EZH2: variants seen among roughly 807,000 people sequenced by gnomAD.
EZH2 encodes the protein histone-lysine N-methyltransferase EZH2.
In EZH2, 18 loss-of-function variants were observed where a neutral mutation model predicts 98.4. That is an observed-to-expected ratio of 0.18 (90% CI 0.13 to 0.27). The LOEUF is 0.27. EZH2 is among the 10% of genes least tolerant of loss of function. The pLI is 1.00. For synonymous variants in EZH2, 338 were observed against 312.3 expected, an observed-to-expected ratio of 1.08 and a Z score of -0.87; for missense variants, 470 against 935.1, an observed-to-expected ratio of 0.50 and a Z score of 6.49.
intron 1 of EZH2, among the ~76,000 whole-genome samples, chr7:148,859,505 AAACAACAACAACAAC>A (rs71529644): frequency 6.7e-6 from 1 of 150,172 alleles, no homozygotes; most frequent in Non-Finnish European, 1.5e-5. Context: ...TCTGTCTCAA[AAACAACAACAACAAC>A]AACAACAACA....
intron 8 of EZH2, among the ~76,000 whole-genome samples, chr7:148,823,514 C>G (rs1291213998): frequency 1.3e-5 from 2 of 151,944 alleles, no homozygotes; most frequent in Non-Finnish European, 2.9e-5. Flanking sequence ...TATCTTTATA[C>G]TTGTCAAAGA....
At chr7:148,869,904 T>C (rs191203417) in intron 1 of EZH2, among the ~76,000 whole-genome samples, 4 of 151,686 alleles carry the variant, frequency 2.6e-5, no homozygotes, top group Admixed American at 6.5e-5. Context: ...AACATCAAGC[T>C]ACTGGTGGGA....
chr7:148,868,077 C>T (rs1427290562), intron 1 of EZH2, among the ~76,000 whole-genome samples: 1 of 152,166 alleles, frequency 6.6e-6, no homozygotes, highest in African/African-American at 2.4e-5. Context: ...TAGGAAGTTC[C>T]AAACATTCCC....
At chr7:148,876,120 C>T (rs1019953257) in intron 1 of EZH2, 1 of 152,040 alleles carries the variant, frequency 6.6e-6, no homozygotes, top group African/African-American at 2.4e-5. Context: ...GCTGAGATCT[C>T]GCCTAAAACT....
At chr7:148,834,882 C>T (rs1251592292) in intron 3 of EZH2, among the ~76,000 whole-genome samples, 1 of 152,132 alleles carries the variant, frequency 6.6e-6, no homozygotes, top group African/African-American at 2.4e-5. Context: ...TTAATTATTC[C>T]TCATTACAAC....
intron 3 of EZH2, among the ~76,000 whole-genome samples, chr7:148,842,241 G>C (rs576116323): frequency 6.6e-6 from 1 of 152,256 alleles, no homozygotes; most frequent in South Asian, 2.1e-4. Context: ...TTCTCTTTCA[G>C]TCATAACACA....
chr7:148,827,400 A>G, intron 6 of EZH2, 134 bp from the exon 7 acceptor site: 1 of 640,822 alleles, frequency 1.6e-6, no homozygotes, highest in Middle Eastern at 4.3e-4. Context: ...TGTTTTACTT[A>G]CTTCTCACAT....
chr7:148,831,183 G>T (rs918798060), intron 4 of EZH2, among the ~76,000 whole-genome samples: 1 of 152,110 alleles, frequency 6.6e-6, no homozygotes, highest in Non-Finnish European at 1.5e-5. Context: ...AGGACAACTG[G>T]AGAGTTCATA....
Position 148,869,751 on chromosome 7 carries a change from T to C in EZH2, c.-8+14413A>G, listed in dbSNP as rs564060525. On this transcript the variant is annotated intron_variant, in intron 1 of 19. Transcript: ENST00000320356. ...TCTCTGCAGGCACATACATGGTAGATACTCAGTAAACACAAGTTGTTCCAT... is the reference window on the plus strand; with the variant it reads ...TCTCTGCAGGCACATACATGGTAGACACTCAGTAAACACAAGTTGTTCCAT... Among the ~76,000 whole-genome samples, 12 of 152,366 alleles carry C rather than the reference T, an allele frequency of 7.9e-5. No homozygotes were observed. The East Asian group carries it at 2.3e-3, about 29-fold the overall frequency.
intron 8 of EZH2, among the ~76,000 whole-genome samples, chr7:148,820,856 G>A (rs1020992164): frequency 6.6e-6 from 1 of 152,144 alleles, no homozygotes; most frequent in African/African-American, 2.4e-5. Context: ...ACGAACATTA[G>A]AGAACACATA....
chr7:148,847,601 C>T (rs570905440), intron 1 of EZH2, among the ~76,000 whole-genome samples: 19 of 152,256 alleles, frequency 1.2e-4, no homozygotes, highest in African/African-American at 4.3e-4. Flanking sequence ...TATATCACAA[C>T]CTAGTTTTCA....
intron 1 of EZH2, among the ~76,000 whole-genome samples, chr7:148,865,256 G>A (rs1818283109): frequency 6.6e-6 from 1 of 152,170 alleles, no homozygotes; most frequent in Non-Finnish European, 1.5e-5. Context: ...GAAGGGGTAA[G>A]TCAATCTGAT....
chr7:148,862,923 GTTTTT>G (rs1554421152), intron 1 of EZH2, among the ~76,000 whole-genome samples: 1 of 150,714 alleles, frequency 6.6e-6, no homozygotes, highest in Admixed American at 6.6e-5. Context: ...GTTTTGTTTT[GTTTTT>G]TTAAAAAAAA....
intron 1 of EZH2, among the ~76,000 whole-genome samples, chr7:148,874,528 G>A (rs771562739): frequency 6.6e-5 from 10 of 152,318 alleles, no homozygotes; most frequent in Non-Finnish European, 1.3e-4. Context: ...GACTGAGGTG[G>A]ACAATGCCAC....
At chr7:148,819,915 G>A (rs751594289) in intron 8 of EZH2, among the ~76,000 whole-genome samples, 1 of 152,222 alleles carries the variant, frequency 6.6e-6, no homozygotes, top group Non-Finnish European at 1.5e-5. Flanking sequence ...ATTCTGGAAT[G>A]AGTCGTGATT....
In EZH2 at chr7:148,832,753, A is replaced by G; in HGVS notation, c.247-3T>C. The stretch of plus-strand genomic sequence containing the variant: ...TCCAAGTCACTGGTCACCGAACACT[A>G]AAACAGAAAAAATAAAATTGACTCT... On this transcript the variant is annotated splice_region_variant and splice_polypyrimidine_tract_variant and intron_variant, in intron 3 of 19. Transcript: ENST00000320356. 6.4e-7 allele frequency: 1 copy of G among 1,571,576 alleles called. No individual in the cohort carries two copies.
intron 8 of EZH2, among the ~76,000 whole-genome samples, chr7:148,820,517 TA>T (rs1805727444): frequency 6.9e-6 from 1 of 144,182 alleles, no homozygotes; most frequent in East Asian, 2.0e-4. Flanking sequence ...TAAATATTTG[TA>T]AAAAGCCATA....
intron 3 of EZH2, chr7:148,836,873 G>A: frequency 2.0e-6 from 1 of 510,678 alleles, no homozygotes; most frequent in Non-Finnish European, 3.8e-6. Flanking sequence ...CTGGGAGCTG[G>A]AGAGGGAAGT....
At chr7:148,850,472 A>G (rs1331889098) in intron 1 of EZH2, 2 of 966,090 alleles carry the variant, frequency 2.1e-6, no homozygotes, top group South Asian at 4.8e-5. Context: ...GTATATCATG[A>G]AAATCTACAG....
Sources: gnomAD v4.1 joint callset for allele counts (sites outside exome capture counted in the v4.1 genomes callset) on GRCh38, gnomAD v4.1.1 for gene constraint, MANE v1.5 for transcripts, NCBI Gene and HGNC (gene_info 2026-07-23, HGNC 2026-07-21) for gene names.